INTS6: variants seen among roughly 807,000 people sequenced by gnomAD.
INTS6 encodes the protein integrator complex subunit 6, also known as DEAD box protein.
In INTS6, 16 loss-of-function variants were observed where a neutral mutation model predicts 104.9. That is an observed-to-expected ratio of 0.15 (90% CI 0.10 to 0.23). The LOEUF is 0.23. INTS6 is among the 10% of genes least tolerant of loss of function. The pLI, the probability that INTS6 is intolerant of heterozygous loss-of-function variation, is 1.00. For missense variants in INTS6, 584 were observed against 1,062.8 expected (o/e 0.55, Z 6.26); for synonymous variants, 324 against 358.7 (o/e 0.90, Z 1.09).
At chr13:51,389,787 A>G (rs1214523466) in intron 5 of INTS6, among the ~76,000 whole-genome samples, 1 of 152,038 alleles carries the variant, frequency 6.6e-6, no homozygotes, top group Non-Finnish European at 1.5e-5. Flanking sequence ...CACTATCTCC[A>G]ACTGTTATGC....
chr13:51,449,603 C>A (rs1952992960), intron 3 of INTS6: 1 of 985,132 alleles, frequency 1.0e-6, no homozygotes, highest in South Asian at 4.7e-5. Flanking sequence ...AACAACATGA[C>A]AACCAAATAA....
chr13:51,414,329 T>A (rs773260596), intron 4 of INTS6, among the ~76,000 whole-genome samples: 3 of 152,232 alleles, frequency 2.0e-5, no homozygotes, highest in Non-Finnish European at 4.4e-5. Flanking sequence ...GCTATTTTTG[T>A]CCCAATAGAG....
intron 3 of INTS6, chr13:51,444,165 C>A (rs903015795): frequency 1.3e-5 from 2 of 151,852 alleles, no homozygotes; most frequent in African/African-American, 4.9e-5. Flanking sequence ...GCAACCTCCA[C>A]CTCCGGGGTT....
intron 3 of INTS6, among the ~76,000 whole-genome samples, chr13:51,433,026 A>C (rs556120059): frequency 5.0e-4 from 76 of 152,198 alleles, no homozygotes; most frequent in Non-Finnish European, 9.6e-4. Flanking sequence ...TTCCACCCTT[A>C]AGCTAAACTA....
At chr13:51,376,829 G>A (rs1240925545) in intron 12 of INTS6, among the ~76,000 whole-genome samples, 1 of 152,104 alleles carries the variant, frequency 6.6e-6, no homozygotes, top group Non-Finnish European at 1.5e-5. Context: ...TCTATTATAT[G>A]GACACACCAC....
At position 51,452,754 on chromosome 13, in the gene INTS6, CT is replaced by C; in HGVS notation, c.-230del. On this transcript the variant is annotated 5_prime_UTR_variant, in exon 1 of 18. Transcript: ENST00000311234. The surrounding 1 kb of genome is among the most constrained non-coding windows in gnomAD (Gnocchi z 4.2). ...GTCGTACCCCCGCCTCCGCCTCCTC[CT>C]GCCTGCCTGCCCGCTGGGGCGGGCG... 8.1e-7 allele frequency: 1 copy of C among 1,234,136 alleles called. No homozygotes were observed. Among genetic ancestry groups the C allele is most frequent in the Non-Finnish European group, 1.0e-6 (1 of 983,120 alleles). 76.4% of individuals were successfully genotyped at this position (1,234,136 alleles called of 1,614,324 possible).
the INTS6 span, among the ~76,000 whole-genome samples, chr13:51,343,151 C>T: frequency 6.6e-6 from 1 of 152,160 alleles, no homozygotes; most frequent in South Asian, 2.1e-4. Context: ...AGGGGACAGA[C>T]CCCAAGTGAG....
rs140547198 is a variant in INTS6 at position 51,403,526 on chromosome 13, G to A, written c.430-8043C>T. Among the ~76,000 whole-genome samples the A allele has an allele frequency of 6.2e-5, 9 of 144,522 alleles. No homozygotes were observed. The East Asian group carries it at 1.9e-3, about 30-fold the overall frequency. 94.8% of individuals were successfully genotyped at this position (144,522 alleles called of 152,430 possible). ...GAACCCAGGAGGTGGAGGTTGCAGT[G>A]AGCCCAGATCGCACCACTGCACTCC... On this transcript the variant is annotated intron_variant, in intron 4 of 17. Coordinates refer to ENST00000311234, the MANE Select transcript of INTS6 (RefSeq NM_012141.3).
At chr13:51,347,787 A>G in the INTS6 span, among the ~76,000 whole-genome samples, 1 of 152,102 alleles carries the variant, frequency 6.6e-6, no homozygotes, top group African/African-American at 2.4e-5. Flanking sequence ...CAGGCTGTCT[A>G]CAGTATGCCC....
chr13:51,398,783 G>A (rs1043187341), intron 4 of INTS6, among the ~76,000 whole-genome samples: 9 of 149,272 alleles, frequency 6.0e-5, no homozygotes, highest in Non-Finnish European at 1.3e-4. Context: ...AGAGGAAAAC[G>A]GGAAACAATT....
At chr13:51,340,979 A>G in the INTS6 span, 1 of 1,299,832 alleles carries the variant, frequency 7.7e-7, no homozygotes, top group South Asian at 1.4e-5. Context: ...CCTAGCCCCT[A>G]AAAACAGAGC....
At chr13:51,421,016 T>C in intron 4 of INTS6, 1 of 520,298 alleles carries the variant, frequency 1.9e-6, no homozygotes, top group Non-Finnish European at 2.5e-6. Context: ...CAATTGAACC[T>C]GGATTTATCA....
intron 12 of INTS6, 118 bp downstream of exon 12, chr13:51,378,121 A>C: frequency 2.7e-6 from 2 of 727,830 alleles, no homozygotes; most frequent in Non-Finnish European, 4.8e-6. Flanking sequence ...AGTCTACAAG[A>C]GTACAGAAGT....
chr13:51,452,123 A>G lies in INTS6; in HGVS notation c.112-68T>C. 2 of 1,452,292 alleles carry G rather than the reference A, an allele frequency of 1.4e-6. No individual in the cohort carries two copies. The highest frequency in any genetic ancestry group is 2.3e-5 in the South Asian group (2 of 86,584). The allele number at this position is 1,452,292 out of a possible 1,614,324, so 90.0% of individuals were successfully genotyped here. On this transcript the variant is annotated intron_variant, in intron 1 of 17. Coordinates refer to ENST00000311234, the MANE Select transcript of INTS6 (RefSeq NM_012141.3). This position sits in a 1 kb window ranked among gnomAD's most constrained non-coding sequence, Gnocchi z 4.2. Reference sequence around the variant, plus strand: ...CAGAGGCGAGGTTACGAGGCGGAGAAGGGGCGCCCAGCGGCCCCGCCGCCC... The same window carrying G: ...CAGAGGCGAGGTTACGAGGCGGAGAGGGGGCGCCCAGCGGCCCCGCCGCCC...
rs1438028115 is a variant in INTS6, at chr13:51,426,740, C to A, written c.429+3554G>T. Among the ~76,000 whole-genome samples the A allele has an allele frequency of 5.3e-5, 8 of 151,852 alleles. No individual in the cohort carries two copies. The South Asian group carries it at 1.0e-3, about 20-fold the overall frequency. On this transcript the variant is annotated intron_variant, in intron 4 of 17. Transcript: ENST00000311234. The stretch of plus-strand genomic sequence containing the variant: ...TTTTTCATGGAACACTGAATAAGAA[C>A]AGAATACCTAAAAGACACTTACATA...
At chr13:51,347,986 C>T in the INTS6 span, among the ~76,000 whole-genome samples, 68 of 152,216 alleles carry the variant, frequency 4.5e-4, 1 homozygote, top group African/African-American at 1.6e-3. Flanking sequence ...CCTAGAGAAC[C>T]TCTAACTCTG....
At chr13:51,435,159 G>A (rs1343161097) in intron 3 of INTS6, among the ~76,000 whole-genome samples, 4 of 151,832 alleles carry the variant, frequency 2.6e-5, no homozygotes, top group Non-Finnish European at 2.9e-5. Context: ...TCTAAGCTCT[G>A]CTACAACAAA....
In INTS6 at chr13:51,361,724, T is replaced by TA; in HGVS notation, c.*4027dup. Reference sequence around the variant, plus strand: ...ATGCCATTAGGATGCTTTGATTTCTTAAAAAATTAACTTACTTCATAACCA... The same window carrying TA: ...ATGCCATTAGGATGCTTTGATTTCTTAAAAAAATTAACTTACTTCATAACCA... On this transcript the variant is annotated 3_prime_UTR_variant, in exon 18 of 18. Coordinates refer to ENST00000311234, the MANE Select transcript of INTS6 (RefSeq NM_012141.3). 8.1e-7 allele frequency: 1 copy of TA among 1,238,744 alleles called. No individual in the cohort carries two copies. Among genetic ancestry groups the TA allele is most frequent in the Non-Finnish European group, 1.1e-6 (1 of 906,626 alleles). 76.7% of individuals were successfully genotyped at this position (1,238,744 alleles called of 1,614,324 possible).
At chr13:51,342,572 G>C in the INTS6 span, among the ~76,000 whole-genome samples, 26 of 152,126 alleles carry the variant, frequency 1.7e-4, no homozygotes, top group Non-Finnish European at 3.7e-4. Context: ...GACAAACTAG[G>C]CTAGGGCAGA....
Sources: gnomAD v4.1 joint callset for allele counts (sites outside exome capture counted in the v4.1 genomes callset) on GRCh38, gnomAD v4.1.1 for gene constraint, Gnocchi (gnomAD v3.1) non-coding constraint, MANE v1.5 for transcripts, NCBI Gene and HGNC (gene_info 2026-07-23, HGNC 2026-07-21) for gene names.